The following ATRN variants were observed in gnomAD, a reference collection of about 807,000 sequenced individuals.
The protein encoded by ATRN is attractin, also known as attractin-2.
Under a neutral mutation model 178.7 loss-of-function variants are expected in ATRN, and 54 were observed. The ratio of observed to expected loss-of-function variants is 0.30; its 90% CI spans 0.24 to 0.38. ATRN has a LOEUF of 0.38. ATRN is among the 10% of genes least tolerant of loss of function. The probability of loss-of-function intolerance (pLI) is 1.00; values close to 1 mark genes in which losing one functional copy is unlikely to be tolerated. For missense variants in ATRN, 1,443 were observed against 1,815.1 expected, an observed-to-expected ratio of 0.79 and a Z score of 3.73; for synonymous variants, 636 against 663.0, an observed-to-expected ratio of 0.96 and a Z score of 0.63.
intron 1 of ATRN, among the ~76,000 whole-genome samples, chr20:3,498,481 A>G (rs2084911340): frequency 6.6e-6 from 1 of 151,968 alleles, no homozygotes; most frequent in Non-Finnish European, 1.5e-5. Flanking sequence ...AAGCTTATCC[A>G]CCATGATCAA....
intron 1 of ATRN, among the ~76,000 whole-genome samples, chr20:3,476,902 G>T (rs978006997): frequency 6.6e-6 from 1 of 152,068 alleles, no homozygotes; most frequent in Non-Finnish European, 1.5e-5. Flanking sequence ...ATGTGAAGAA[G>T]TGAAAAGTTA....
chr20:3,490,321 T>C (rs2084770660), intron 1 of ATRN: 3 of 1,018,452 alleles, frequency 2.9e-6, no homozygotes, highest in South Asian at 1.3e-5. Flanking sequence ...GAGCGCTGCT[T>C]GTCTCTTTCG....
chr20:3,525,024 A>G (rs1196678850), intron 1 of ATRN, among the ~76,000 whole-genome samples: 1 of 152,208 alleles, frequency 6.6e-6, no homozygotes, highest in Non-Finnish European at 1.5e-5. Flanking sequence ...AACAAATTCA[A>G]AAGCTAGCAG....
At chr20:3,602,492 A>C (rs2146288159) in intron 23 of ATRN, among the ~76,000 whole-genome samples, 1 of 152,354 alleles carries the variant, frequency 6.6e-6, no homozygotes, top group East Asian at 1.9e-4. Context: ...CAAAAACACA[A>C]AGCAATGAGA....
chr20:3,642,814 G>A (rs534164879), intron 27 of ATRN, among the ~76,000 whole-genome samples: 2 of 152,194 alleles, frequency 1.3e-5, no homozygotes, highest in Non-Finnish European at 2.9e-5. Context: ...CTGCTAGAGG[G>A]ATTTTGCAGA....
At chr20:3,473,907 G>T (rs2084471960) in intron 1 of ATRN, among the ~76,000 whole-genome samples, 1 of 152,176 alleles carries the variant, frequency 6.6e-6, no homozygotes, top group African/African-American at 2.4e-5. Context: ...GTGTAAACTG[G>T]TTTGCTCTTG....
At chr20:3,511,128 G>C (rs2085121152) in intron 1 of ATRN, among the ~76,000 whole-genome samples, 1 of 152,090 alleles carries the variant, frequency 6.6e-6, no homozygotes, top group South Asian at 2.1e-4. Context: ...AATTAAAATT[G>C]TAGCTTTAAA....
chr20:3,519,006 T>TAAAAA (rs577864057), intron 1 of ATRN, among the ~76,000 whole-genome samples: 4,033 of 118,918 alleles, frequency 0.034, 87 homozygotes, highest in Non-Finnish European at 0.05. Flanking sequence ...TCCTTATATA[T>TAAAAA]AAAAAAAAAA....
chr20:3,484,067 G>A (rs903361098), intron 1 of ATRN, among the ~76,000 whole-genome samples: 1 of 151,984 alleles, frequency 6.6e-6, no homozygotes, highest in Admixed American at 6.6e-5. Flanking sequence ...GGGCAACATA[G>A]GGAGACCCCA....
At chr20:3,534,826 G>A (rs945752551) in intron 1 of ATRN, among the ~76,000 whole-genome samples, 3 of 151,922 alleles carry the variant, frequency 2.0e-5, no homozygotes, top group African/African-American at 4.8e-5. Flanking sequence ...GAAATTTATC[G>A]CTGGGTGTGA....
intron 3 of ATRN, among the ~76,000 whole-genome samples, chr20:3,540,722 C>T (rs2085606633): frequency 6.6e-6 from 1 of 152,092 alleles, no homozygotes; most frequent in Non-Finnish European, 1.5e-5. Flanking sequence ...TTGTGTATTG[C>T]CCACTGCATA....
At chr20:3,473,901 A>G (rs1480887512) in intron 1 of ATRN, among the ~76,000 whole-genome samples, 1 of 152,128 alleles carries the variant, frequency 6.6e-6, no homozygotes, top group East Asian at 1.9e-4. Flanking sequence ...TCTTCCGTGT[A>G]AACTGGTTTG....
chr20:3,530,939 G>C (rs956381951), intron 1 of ATRN, among the ~76,000 whole-genome samples: 2 of 152,052 alleles, frequency 1.3e-5, no homozygotes, highest in Non-Finnish European at 2.9e-5. Context: ...CAGTATTCTT[G>C]AACTAAGAAA....
rs1317408285 is a variant in ATRN at position 3,648,103 on chromosome 20, G to A, written c.*1256G>A. 6.6e-6 allele frequency: 1 copy of A among 152,218 alleles called. No individual in the cohort carries two copies. The highest frequency in any genetic ancestry group is 1.5e-5 in the Non-Finnish European group (1 of 68,054). The allele number at this position is 152,218 out of a possible 1,614,324, so 9.4% of individuals were successfully genotyped here. Reference sequence around the variant, plus strand: ...GGACTCAGATGCCAGGAAAGGGACAGCCTCCCATTGTCAGGCAGAAGCTGC... The same window carrying A: ...GGACTCAGATGCCAGGAAAGGGACAACCTCCCATTGTCAGGCAGAAGCTGC... On this transcript the variant is annotated 3_prime_UTR_variant, in exon 29 of 29. Coordinates refer to ENST00000262919, the MANE Select transcript of ATRN (RefSeq NM_139321.3).
chr20:3,552,746 G>A (rs1349141266), intron 6 of ATRN, among the ~76,000 whole-genome samples: 3 of 152,094 alleles, frequency 2.0e-5, no homozygotes, highest in Admixed American at 6.6e-5. Flanking sequence ...TTATAGAACC[G>A]AGGGTCCCAG....
intron 1 of ATRN, among the ~76,000 whole-genome samples, chr20:3,475,821 T>C (rs185952562): frequency 6.6e-6 from 1 of 152,346 alleles, no homozygotes; most frequent in Non-Finnish European, 1.5e-5. Context: ...TAAGCACTTA[T>C]CAGACATCTG....
intron 1 of ATRN, among the ~76,000 whole-genome samples, chr20:3,495,959 G>C (rs997809048): frequency 6.6e-6 from 1 of 152,090 alleles, no homozygotes; most frequent in Non-Finnish European, 1.5e-5. Context: ...AACAGGGATG[G>C]AGGCTAGACT....
At chr20:3,620,200 G>C (rs2086886012) in intron 24 of ATRN, among the ~76,000 whole-genome samples, 1 of 151,666 alleles carries the variant, frequency 6.6e-6, no homozygotes, top group South Asian at 2.1e-4. Context: ...AAATTGTCCA[G>C]GGAAAGGAGC....
At chr20:3,646,297 G>A (rs184190342) in intron 28 of ATRN, among the ~76,000 whole-genome samples, 8 of 152,230 alleles carry the variant, frequency 5.3e-5, no homozygotes, top group African/African-American at 1.9e-4. Flanking sequence ...GCTGTTTCTC[G>A]GCTCCTTTTG....
Sources: allele counts gnomAD v4.1 joint callset (sites outside exome capture counted in the v4.1 genomes callset), GRCh38; gene constraint gnomAD v4.1.1; transcripts MANE v1.5; gene names NCBI Gene and HGNC (gene_info 2026-07-23, HGNC 2026-07-21).